Variants in NUTM2E observed in about 807,000 individuals in gnomAD.
NUTM2E encodes NUT family member 2E, also known as family with sequence similarity 22, member E.
A neutral mutation model predicts 26.1 loss-of-function variants in NUTM2E; 3 were observed. The observed-to-expected ratio is 0.12, with a 90% CI of 0.05 to 0.30. NUTM2E has a LOEUF of 0.30. Ranked by LOEUF, NUTM2E falls within the 10% of genes least tolerant of loss-of-function variation. NUTM2E has a pLI of 1.00. For synonymous variants in NUTM2E, 13 were observed against 157.5 expected (o/e 0.08, Z 6.87); for missense variants, 62 against 381.3 (o/e 0.16, Z 6.97).
At chr10:79,831,925 G>GATAA (rs1841929695) in intron 1 of NUTM2E, among the ~76,000 whole-genome samples, 1 of 152,086 alleles carries the variant, frequency 6.6e-6, no homozygotes, top group Non-Finnish European at 1.5e-5. Context: ...GAAAATTTAA[G>GATAA]ATAAAGGTGC....
chr10:79,837,637 T>G (rs1841972211), intron 1 of NUTM2E, among the ~76,000 whole-genome samples: 1 of 152,018 alleles, frequency 6.6e-6, no homozygotes. Flanking sequence ...AACAAACACT[T>G]TGATTGTGTT....
At chr10:79,828,118 A>T (rs1841900824) in intron 1 of NUTM2E, among the ~76,000 whole-genome samples, 1 of 151,522 alleles carries the variant, frequency 6.6e-6, no homozygotes, top group South Asian at 2.1e-4. Context: ...TATGAGTTAC[A>T]GACTATGTGC....
At chr10:79,836,666 A>G (rs1036080542) in intron 1 of NUTM2E, among the ~76,000 whole-genome samples, 4 of 151,930 alleles carry the variant, frequency 2.6e-5, no homozygotes, top group African/African-American at 9.7e-5. Flanking sequence ...CCTCATAAAC[A>G]CTACAAGCTA....
chr10:79,840,632 C>G lies in NUTM2E; in HGVS notation c.-1109C>G, dbSNP rs947865024. 6.6e-6 allele frequency among the ~76,000 whole-genome samples: 1 copy of G among 150,556 alleles called. No homozygotes were observed. ...AATCCACCACTTGCCCCTGCCCCTG[C>G]CCCTGCAGTGTGGCCGCTGTTACAT... On this transcript the variant is annotated 5_prime_UTR_variant, in exon 4 of 10. Coordinates refer to ENST00000429984, the MANE Select transcript of NUTM2E (RefSeq NM_001355263.2).
In NUTM2E at chr10:79,840,726, G is replaced by A. The variant is rs550411535; in HGVS notation, c.-1015G>A. 2.7e-5 allele frequency among the ~76,000 whole-genome samples: 4 copies of A among 150,584 alleles called. No individual in the cohort carries two copies. The highest frequency in any genetic ancestry group is 2.7e-4 in the Admixed American group (4 of 15,082). On this transcript the variant is annotated 5_prime_UTR_variant, in exon 4 of 10. Coordinates refer to ENST00000429984, the MANE Select transcript of NUTM2E (RefSeq NM_001355263.2). ...GGCAAATGCTTCGTAAGTGCCGACA[G>A]GGTGTGTTTCAGTGAATGTTTGCAG...
chr10:79,827,128 C>A lies in NUTM2E; in HGVS notation c.-2957C>A, dbSNP rs397834286. 2 of 152,734 alleles carry A rather than the reference C, an allele frequency of 1.3e-5. No individual in the cohort carries two copies. The highest frequency in any genetic ancestry group is 6.6e-5 in the Admixed American group (1 of 15,214). 9.5% of individuals were successfully genotyped at this position (152,734 alleles called of 1,614,324 possible). On this transcript the variant is annotated 5_prime_UTR_variant, in exon 1 of 10. Coordinates refer to ENST00000429984, the MANE Select transcript of NUTM2E (RefSeq NM_001355263.2). ...TCGGTGCGAGCCCCTCGCCCCTGGC[C>A]GGGCCAGCCTCTTGATGCACCGGGG...
chr10:79,834,561 A>G (rs538814582), intron 1 of NUTM2E, among the ~76,000 whole-genome samples: 39 of 151,028 alleles, frequency 2.6e-4, no homozygotes, highest in South Asian at 4.2e-4. Context: ...ATTACTACTC[A>G]GGAGGCTGAG....
chr10:79,828,510 C>G (rs7908513), intron 1 of NUTM2E, among the ~76,000 whole-genome samples: 4,050 of 151,764 alleles, frequency 0.027, 198 homozygotes, highest in African/African-American at 0.093. Context: ...TTTCTTATCT[C>G]AAGTAGAAAA....
In NUTM2E at chr10:79,840,040, C is replaced by T. The variant is rs1841989428; in HGVS notation, c.-1701C>T. Among the ~76,000 whole-genome samples, 1 of 149,706 alleles carries T rather than the reference C, an allele frequency of 6.7e-6. No homozygotes were observed. Among genetic ancestry groups the T allele is most frequent in the Non-Finnish European group, 1.5e-5 (1 of 67,676 alleles). On this transcript the variant is annotated 5_prime_UTR_variant, in exon 4 of 10. Transcript: ENST00000429984. ...TCACTGGCTCAGAAAAAGACTCATT[C>T]AAATCCTGTATCAAAGCCACATGTG...
chr10:79,832,917 TTGTG>T (rs1841935970), intron 1 of NUTM2E, among the ~76,000 whole-genome samples: 1 of 151,680 alleles, frequency 6.6e-6, no homozygotes, highest in Admixed American at 6.6e-5. Flanking sequence ...ATAGGTATAG[TTGTG>T]TGTGAATTTA....
intron 1 of NUTM2E, among the ~76,000 whole-genome samples, chr10:79,836,943 C>T (rs940466595): frequency 6.6e-6 from 1 of 151,870 alleles, no homozygotes; most frequent in Non-Finnish European, 1.5e-5. Flanking sequence ...AAAAATGCCT[C>T]TCCTCACAAT....
At chr10:79,834,126 C>G (rs1841945453) in intron 1 of NUTM2E, among the ~76,000 whole-genome samples, 1 of 151,480 alleles carries the variant, frequency 6.6e-6, no homozygotes, top group Non-Finnish European at 1.5e-5. Flanking sequence ...AAACCAAACA[C>G]CACATGTTCT....
chr10:79,836,659 C>T (rs940435482), intron 1 of NUTM2E, among the ~76,000 whole-genome samples: 13 of 151,894 alleles, frequency 8.6e-5, no homozygotes, highest in African/African-American at 3.1e-4. Context: ...TCCACTACCT[C>T]ATAAACACTA....
intron 5 of NUTM2E, among the ~76,000 whole-genome samples, chr10:79,845,373 C>G (rs1432517824): frequency 8.8e-6 from 1 of 113,390 alleles, no homozygotes; most frequent in African/African-American, 2.8e-5. Flanking sequence ...GGTCTCGGGC[C>G]CTGCACTGGG....
rs1426196853 is a variant in NUTM2E at position 79,847,121 on chromosome 10, T to TA, written c.1211+164dup. Among the ~76,000 whole-genome samples, 12 of 112,238 alleles carry TA rather than the reference T, an allele frequency of 1.1e-4. No homozygotes were observed. The East Asian group carries it at 2.0e-3, about 19-fold the overall frequency. 73.6% of individuals were successfully genotyped at this position (112,238 alleles called of 152,430 possible). A position where few individuals can be genotyped will look rare whatever the true frequency, so the allele number is the denominator to read the frequency against. On this transcript the variant is annotated intron_variant, in intron 6 of 9. Coordinates refer to ENST00000429984, the MANE Select transcript of NUTM2E (RefSeq NM_001355263.2). Reference sequence around the variant, plus strand: ...CCCTCAGGAAGCTGCTCCTGCCACCTAGAGTGTTCTGGGGTCTCTGTCCTG... The same window carrying TA: ...CCCTCAGGAAGCTGCTCCTGCCACCTAAGAGTGTTCTGGGGTCTCTGTCCTG...
intron 1 of NUTM2E, among the ~76,000 whole-genome samples, chr10:79,831,196 T>C (rs1841925228): frequency 1.3e-5 from 2 of 151,864 alleles, no homozygotes; most frequent in South Asian, 4.2e-4. Context: ...CCAGAGCTAA[T>C]GAGTGCCAGC....
In NUTM2E at chr10:79,839,104, T is replaced by G. The variant is rs540605371; in HGVS notation, c.-2125T>G. On this transcript the variant is annotated 5_prime_UTR_variant, in exon 3 of 10. Coordinates refer to ENST00000429984, the MANE Select transcript of NUTM2E (RefSeq NM_001355263.2). ...AAACCAGCGCGTCCGCAACGATCAC[T>G]CCTAATTTTCGGTAATACAAACCTG... is the stretch of plus-strand genomic sequence containing the variant. 1.0e-3 allele frequency among the ~76,000 whole-genome samples: 152 copies of G among 151,578 alleles called. 2 individuals carry two copies. Among genetic ancestry groups the G allele is most frequent in the Non-Finnish European group, 1.8e-3 (125 of 67,830 alleles).
chr10:79,838,729 A>G (rs1175217646), intron 2 of NUTM2E, among the ~76,000 whole-genome samples, 51 bp from the exon 3 acceptor site: 2 of 151,946 alleles, frequency 1.3e-5, no homozygotes, highest in Admixed American at 6.6e-5. Flanking sequence ...GACCAGTGGG[A>G]GCATGACCAG....
intron 1 of NUTM2E, 166 bp downstream of exon 1, chr10:79,827,523 T>TAGA (rs1221182373): frequency 6.7e-6 from 1 of 148,632 alleles, no homozygotes; most frequent in East Asian, 2.0e-4. Flanking sequence ...AGCCATGTTC[T>TAGA]AGAGCAATGT....
Sources: allele counts gnomAD v4.1 joint callset (sites outside exome capture counted in the v4.1 genomes callset), GRCh38; gene constraint gnomAD v4.1.1; transcripts MANE v1.5; gene names NCBI Gene and HGNC (gene_info 2026-07-23, HGNC 2026-07-21).